Variants in SLC25A13 observed in about 807,000 individuals in gnomAD.
SLC25A13 encodes solute carrier family 25 member 13, also known as electrogenic aspartate/glutamate antiporter SLC25A13, mitochondrial.
In SLC25A13, 70 loss-of-function variants were observed where a neutral mutation model predicts 85.5. The ratio of observed to expected loss-of-function variants is 0.82; its 90% CI spans 0.68 to 1.00. The LOEUF is 1.00. SLC25A13 is among the 50% of genes least tolerant of loss of function. The pLI is 0.00. For missense variants in SLC25A13, 765 were observed against 819.8 expected (o/e 0.93, Z 0.82); for synonymous variants, 259 against 288.7 (o/e 0.90, Z 1.04).
intron 5 of SLC25A13, among the ~76,000 whole-genome samples, chr7:96,197,384 A>G (rs1795103206): frequency 6.6e-6 from 1 of 152,194 alleles, no homozygotes; most frequent in Non-Finnish European, 1.5e-5. Flanking sequence ...CAAGGAGGAG[A>G]GAAACCAAAT....
chr7:96,228,408 A>G (rs1285682157), intron 4 of SLC25A13, among the ~76,000 whole-genome samples: 1 of 152,224 alleles, frequency 6.6e-6, no homozygotes, highest in Admixed American at 6.5e-5. Flanking sequence ...CCCATTAGGA[A>G]TCAGGGAAAT....
intron 4 of SLC25A13, among the ~76,000 whole-genome samples, chr7:96,227,858 C>G (rs1796379159): frequency 6.6e-6 from 1 of 151,990 alleles, no homozygotes; most frequent in East Asian, 1.9e-4. Flanking sequence ...CGGAGGAAAA[C>G]AAAGAATTTT....
chr7:96,184,550 T>C (rs1794548412), intron 10 of SLC25A13, 115 bp from the exon 11 acceptor site: 1 of 1,023,162 alleles, frequency 9.8e-7, no homozygotes, highest in African/African-American at 1.6e-5. Flanking sequence ...GAATTTTAAA[T>C]ACAGATTTTA....
chr7:96,300,379 G>A (rs1562916670), intron 1 of SLC25A13, among the ~76,000 whole-genome samples: 1 of 152,166 alleles, frequency 6.6e-6, no homozygotes, highest in African/African-American at 2.4e-5. Context: ...ATAAAATGGG[G>A]AGTCCTAGAC....
rs557575818 is a variant in SLC25A13, at chr7:96,193,029, C to A, written c.615+8G>T. ...TAAACCACTTCATTAGGGCAAGTTACAACTTACAGCTACTAGACATTCTTC... is the reference window on the plus strand; with the variant it reads ...TAAACCACTTCATTAGGGCAAGTTAAAACTTACAGCTACTAGACATTCTTC... On this transcript the variant is annotated splice_region_variant and intron_variant, in intron 6 of 17. Coordinates refer to ENST00000265631, the MANE Select transcript of SLC25A13 (RefSeq NM_014251.3). 2 of 1,613,756 alleles carry A rather than the reference C, an allele frequency of 1.2e-6. No homozygotes were observed. The highest frequency in any genetic ancestry group is 1.7e-5 in the Admixed American group (1 of 59,992).
chr7:96,155,469 T>C (rs1049307925), intron 13 of SLC25A13, among the ~76,000 whole-genome samples: 14 of 152,188 alleles, frequency 9.2e-5, no homozygotes, highest in African/African-American at 3.4e-4. Flanking sequence ...CTGCCCTTTA[T>C]AGGACCTGAA....
intron 4 of SLC25A13, among the ~76,000 whole-genome samples, chr7:96,234,309 C>T (rs1386110604): frequency 1.3e-5 from 2 of 152,108 alleles, no homozygotes; most frequent in South Asian, 2.1e-4. Context: ...GTCGGGGGAG[C>T]GGGGGTTGTT....
chr7:96,141,886 G>A (rs1792580677), intron 14 of SLC25A13, among the ~76,000 whole-genome samples: 1 of 152,130 alleles, frequency 6.6e-6, no homozygotes, highest in South Asian at 2.1e-4. Context: ...TCAATGCTAG[G>A]AATTTATCTT....
intron 4 of SLC25A13, among the ~76,000 whole-genome samples, chr7:96,229,881 A>C (rs1796470370): frequency 6.6e-6 from 1 of 152,230 alleles, no homozygotes; most frequent in African/African-American, 2.4e-5. Context: ...CCGCAGCTTC[A>C]TCCTTGAAGT....
At chr7:96,312,962 G>T (rs1020777218) in intron 1 of SLC25A13, among the ~76,000 whole-genome samples, 1 of 152,212 alleles carries the variant, frequency 6.6e-6, no homozygotes, top group Non-Finnish European at 1.5e-5. Flanking sequence ...TCTCCTATCT[G>T]CCCATAACAG....
chr7:96,145,847 A>G (rs1792762210), intron 14 of SLC25A13, among the ~76,000 whole-genome samples: 1 of 152,222 alleles, frequency 6.6e-6, no homozygotes, highest in South Asian at 2.1e-4. Flanking sequence ...ATTTCTGTGT[A>G]AATAAATGAA....
chr7:96,173,811 C>CTCTT (rs747224876), intron 11 of SLC25A13, among the ~76,000 whole-genome samples: 1 of 152,132 alleles, frequency 6.6e-6, no homozygotes, highest in Non-Finnish European at 1.5e-5. Flanking sequence ...CTAAAAGACA[C>CTCTT]GCAAATCAAG....
At chr7:96,146,855 A>G (rs1260307932) in intron 13 of SLC25A13, among the ~76,000 whole-genome samples, 159 bp from the exon 14 acceptor site, 2 of 152,200 alleles carry the variant, frequency 1.3e-5, no homozygotes, top group Non-Finnish European at 2.9e-5. Context: ...GATTACAAGT[A>G]TGAATCAAAA....
At chr7:96,138,820 A>G (rs12704834) in intron 14 of SLC25A13, among the ~76,000 whole-genome samples, 65,192 of 152,010 alleles carry the variant, frequency 0.43, 14,112 homozygotes, top group East Asian at 0.6. Flanking sequence ...TACTTTAAGG[A>G]ATCCTTTTTT....
intron 10 of SLC25A13, 103 bp from the exon 11 acceptor site, chr7:96,184,538 T>C: frequency 1.8e-6 from 2 of 1,127,838 alleles, no homozygotes; most frequent in East Asian, 2.6e-5. Context: ...GAAATGTGTT[T>C]TGAATTTTAA....
At chr7:96,274,084 G>A in intron 3 of SLC25A13, among the ~76,000 whole-genome samples, 1 of 152,134 alleles carries the variant, frequency 6.6e-6, no homozygotes, top group East Asian at 1.9e-4. Context: ...CGCTGGAACA[G>A]AGAGAGAAGG....
intron 3 of SLC25A13, among the ~76,000 whole-genome samples, chr7:96,237,667 G>C (rs1796794993): frequency 6.6e-6 from 1 of 152,170 alleles, no homozygotes; most frequent in East Asian, 1.9e-4. Context: ...CTAAACCTGA[G>C]TGGGGGCCCT....
intron 15 of SLC25A13, among the ~76,000 whole-genome samples, chr7:96,122,974 A>G (rs1392964125): frequency 6.6e-6 from 1 of 152,200 alleles, no homozygotes; most frequent in Non-Finnish European, 1.5e-5. Flanking sequence ...TGTCCAAACC[A>G]ACATGGTCTG....
chr7:96,294,435 A>T (rs1799261307), intron 2 of SLC25A13, among the ~76,000 whole-genome samples: 1 of 152,034 alleles, frequency 6.6e-6, no homozygotes, highest in Admixed American at 6.6e-5. Context: ...ATAATAAAAA[A>T]ATAATAATAA....
Sources: allele counts gnomAD v4.1 joint callset (sites outside exome capture counted in the v4.1 genomes callset), GRCh38; gene constraint gnomAD v4.1.1; transcripts MANE v1.5; gene names NCBI Gene and HGNC (gene_info 2026-07-23, HGNC 2026-07-21).